Variants in PLXNA2 observed in about 807,000 individuals in gnomAD.
The protein encoded by PLXNA2 is plexin-A2.
Under a neutral mutation model 193.5 loss-of-function variants are expected in PLXNA2, and 91 were observed. That is an observed-to-expected ratio of 0.47 (90% CI 0.40 to 0.56). The LOEUF is 0.56. Among genes scored for constraint, PLXNA2 ranks in the 20% least tolerant of loss-of-function variants. PLXNA2 has a pLI of 0.00. For missense variants in PLXNA2, 1,995 were observed against 2,503.2 expected, an observed-to-expected ratio of 0.80 and a Z score of 4.33; for synonymous variants, 997 against 1,027.3, an observed-to-expected ratio of 0.97 and a Z score of 0.56.
At chr1:208,030,160 G>A in intron 29 of PLXNA2, 1 of 985,548 alleles carries the variant, frequency 1.0e-6, no homozygotes, top group Non-Finnish European at 1.2e-6. Flanking sequence ...TCTAGCCTGG[G>A]AGAAGCTGCT....
chr1:208,201,152 C>G (rs1420217685), intron 3 of PLXNA2, among the ~76,000 whole-genome samples: 1 of 152,250 alleles, frequency 6.6e-6, no homozygotes, highest in Non-Finnish European at 1.5e-5. Context: ...GCATAGCAAT[C>G]TTGCCAGGCA....
rs1389816364 is a variant in PLXNA2 at position 208,240,085 on chromosome 1, A to T, written c.-81+3558T>A. 2.6e-5 allele frequency among the ~76,000 whole-genome samples: 4 copies of T among 152,332 alleles called. No individual in the cohort carries two copies. In the East Asian group the frequency reaches 7.7e-4, roughly 29 times the overall value. ...GAAGCAGAGAACTTTTGCACTGCTC[A>T]GGCCTCAGCCATTTCTTTCAGCTCT... is the stretch of plus-strand genomic sequence containing the variant. On this transcript the variant is annotated intron_variant, in intron 1 of 31. Transcript: ENST00000367033.
chr1:208,029,878 C>T (rs1664447615), intron 29 of PLXNA2: 1 of 985,644 alleles, frequency 1.0e-6, no homozygotes. Flanking sequence ...TTTGCCTTCT[C>T]TTCCAGCTGC....
At position 208,040,044 on chromosome 1, in the gene PLXNA2, G is replaced by C; in HGVS notation, c.4301C>G (p.Ala1434Gly). ...GAACCAATTGGTCAGCATCTTTTCAGCCACAGACTCTGTCCTGGGGAAGGG... is the reference window on the plus strand; with the variant it reads ...GAACCAATTGGTCAGCATCTTTTCACCCACAGACTCTGTCCTGGGGAAGGG... ...KLLLRRTESV[A>G]EKMLTNWFAF... is the part of the protein sequence containing the mutation. The change falls in exon 23 of 32, where the codon GCT (alanine) becomes GGT (glycine). Residue 1434 changes from alanine to glycine, a missense_variant. Physicochemically the swap from Ala to Gly is moderately conservative, Grantham distance 60. This residue lies in a region of PLXNA2 where 1,291 missense variants were observed against 1,673.6 expected (regional missense o/e 0.77). Coordinates refer to ENST00000367033, the MANE Select transcript of PLXNA2 (RefSeq NM_025179.4). 1 of 1,614,012 alleles carries C rather than the reference G, an allele frequency of 6.2e-7. No individual in the cohort carries two copies. Among genetic ancestry groups the C allele is most frequent in the Non-Finnish European group, 8.5e-7 (1 of 1,179,938 alleles).
intron 4 of PLXNA2, among the ~76,000 whole-genome samples, chr1:208,110,571 A>T (rs1290328434): frequency 6.6e-6 from 1 of 152,260 alleles, no homozygotes; most frequent in African/African-American, 2.4e-5. Context: ...CATGCCAGGC[A>T]CGTCACATAG....
In PLXNA2 at chr1:208,051,404, C is replaced by T. The variant is rs949851527; in HGVS notation, c.3013G>A (p.Val1005Met). 11 of 1,610,732 alleles carry T rather than the reference C, an allele frequency of 6.8e-6. No individual in the cohort carries two copies. Among genetic ancestry groups the T allele is most frequent in the East Asian group, 6.7e-5 (3 of 44,780 alleles). ...EFYGRSMSEI[V>M]CVSPPSSNGL... The stretch of plus-strand genomic sequence containing the variant: ...TTGGATGATGGGGGTGAGACACACA[C>T]GATCTCACTCATTGACCTCCTGACA... The change falls in exon 16 of 32, where the codon GTG becomes ATG. Residue 1005 changes from valine (V) to methionine (M), a missense_variant. Val to Met is a conservative substitution (Grantham distance 21). This residue lies in a region of PLXNA2 where 1,291 missense variants were observed against 1,673.6 expected (regional missense o/e 0.77). Transcript: ENST00000367033.
At chr1:208,115,637 T>C (rs1419104105) in intron 4 of PLXNA2, among the ~76,000 whole-genome samples, 1 of 152,216 alleles carries the variant, frequency 6.6e-6, no homozygotes, top group African/African-American at 2.4e-5. Flanking sequence ...TTAATAAATA[T>C]GTATTAAACA....
At position 208,166,077 on chromosome 1, in the gene PLXNA2, C is replaced by T. The variant is rs1223924471; in HGVS notation, c.1372-23614G>A. Among the ~76,000 whole-genome samples the T allele has an allele frequency of 2.0e-5, 3 of 152,158 alleles. No individual in the cohort carries two copies. The East Asian group carries it at 5.8e-4, about 29-fold the overall frequency. On this transcript the variant is annotated intron_variant, in intron 3 of 31. Coordinates refer to ENST00000367033, the MANE Select transcript of PLXNA2 (RefSeq NM_025179.4). ...AAGGGAACCCCTCCTTCCCCACCAC[C>T]CCACCTTTACAAAGAAATCATAAGG... is the stretch of plus-strand genomic sequence containing the variant.
At chr1:208,202,512 C>T (rs1670582821) in intron 3 of PLXNA2, among the ~76,000 whole-genome samples, 2 of 152,150 alleles carry the variant, frequency 1.3e-5, no homozygotes, top group Non-Finnish European at 2.9e-5. Context: ...AGCCCCTATA[C>T]TCTTTGTTAT....
rs1664516241 is a variant in PLXNA2, at chr1:208,031,896, G to A, written c.5056-137C>T. ...GAGGCTGTGCAGGCAGTGTTGCGGG[G>A]TGGGGAAGGGTACTATTGGTTAGCT... On this transcript the variant is annotated intron_variant, in intron 28 of 31. Coordinates refer to ENST00000367033, the MANE Select transcript of PLXNA2 (RefSeq NM_025179.4). 3 of 1,274,054 alleles carry A rather than the reference G, an allele frequency of 2.4e-6. No homozygotes were observed. In the African/African-American group the frequency reaches 4.6e-5, roughly 19 times the overall value. 78.9% of individuals were successfully genotyped at this position (1,274,054 alleles called of 1,614,324 possible).
intron 28 of PLXNA2, among the ~76,000 whole-genome samples, chr1:208,032,392 A>G (rs1378345509): frequency 6.6e-6 from 1 of 152,032 alleles, no homozygotes; most frequent in Non-Finnish European, 1.5e-5. Context: ...GTCAGCAGAA[A>G]CCTCTAGCTT....
intron 4 of PLXNA2, 65 bp downstream of exon 4, chr1:208,142,264 C>A: frequency 1.3e-6 from 2 of 1,514,116 alleles, no homozygotes; most frequent in African/African-American, 2.8e-5. Flanking sequence ...AGTTTCTGAA[C>A]AAAGGTGACA....
At chr1:208,102,529 G>A (rs1667129340) in intron 5 of PLXNA2, among the ~76,000 whole-genome samples, 1 of 152,234 alleles carries the variant, frequency 6.6e-6, no homozygotes, top group African/African-American at 2.4e-5. Context: ...ATAAAATAAT[G>A]AGACCAGAAG....
At chr1:208,136,885 C>G (rs1276795928) in intron 4 of PLXNA2, among the ~76,000 whole-genome samples, 1 of 152,156 alleles carries the variant, frequency 6.6e-6, no homozygotes, top group East Asian at 1.9e-4. Context: ...TAATTACCAC[C>G]ACCTTTTGAA....
At position 208,034,538 on chromosome 1, in the gene PLXNA2, T is replaced by G; in HGVS notation, c.4819A>C (p.Ile1607Leu). The G allele has an allele frequency of 6.2e-7, 1 of 1,614,012 alleles. No homozygotes were observed. Among genetic ancestry groups the G allele is most frequent in the African/African-American group, 1.3e-5 (1 of 75,022 alleles). ...CGGGAGATGCTGGCAGAGGCAGGGA[T>G]GTTGTAGGAGGAGGTCTGTTTGGGG... ...LVPKQTSSYN[I>L]PASASISRTS... Residue 1607 changes from isoleucine to leucine, a missense_variant, in exon 27 of 32, where the codon ATC becomes CTC. Ile to Leu is a conservative substitution (Grantham distance 5, BLOSUM62 2). This residue lies in a region of PLXNA2 where 1,291 missense variants were observed against 1,673.6 expected (regional missense o/e 0.77). Coordinates refer to ENST00000367033, the MANE Select transcript of PLXNA2 (RefSeq NM_025179.4).
rs981150260 is a variant in PLXNA2, at chr1:208,025,837, C to T, written c.*1406G>A. On this transcript the variant is annotated 3_prime_UTR_variant, in exon 32 of 32. Coordinates refer to ENST00000367033, the MANE Select transcript of PLXNA2 (RefSeq NM_025179.4). ...AAGGAAAGTCCAGTGAGAAGTCATC[C>T]ACTTGTCCTTCACACTCACAAGTCC... The T allele has an allele frequency of 1.3e-5, 2 of 152,400 alleles. No individual in the cohort carries two copies. Among genetic ancestry groups the T allele is most frequent in the Non-Finnish European group, 2.9e-5 (2 of 68,048 alleles). The allele number at this position is 152,400 out of a possible 1,614,324, so 9.4% of individuals were successfully genotyped here.
rs1664287120 is a variant in PLXNA2 at position 208,024,700 on chromosome 1, T to C, written c.*2543A>G. ...GTGAATCGTCTCCAAAAGTAACTGC[T>C]GGGAGATGCCAGGTAGATGCATTGA... On this transcript the variant is annotated 3_prime_UTR_variant, in exon 32 of 32. Transcript: ENST00000367033. The C allele has an allele frequency of 6.6e-6, 1 of 152,272 alleles. No homozygotes were observed. Among genetic ancestry groups the C allele is most frequent in the African/African-American group, 2.4e-5 (1 of 41,444 alleles). 9.4% of individuals were successfully genotyped at this position (152,272 alleles called of 1,614,324 possible).
rs556181025 is a variant in PLXNA2, at chr1:208,088,420, C to T, written c.2098-3840G>A. 5.3e-5 allele frequency among the ~76,000 whole-genome samples: 8 copies of T among 152,344 alleles called. No homozygotes were observed. In the South Asian group the frequency reaches 6.2e-4, roughly 12 times the overall value. On this transcript the variant is annotated intron_variant, in intron 9 of 31. Coordinates refer to ENST00000367033, the MANE Select transcript of PLXNA2 (RefSeq NM_025179.4). Reference sequence around the variant, plus strand: ...GCAGCCAGCATCCTGGGAAGCTAATCGGATTTATTTGGTTCTATCTTTCCC... The same window carrying T: ...GCAGCCAGCATCCTGGGAAGCTAATTGGATTTATTTGGTTCTATCTTTCCC...
intron 4 of PLXNA2, among the ~76,000 whole-genome samples, chr1:208,130,337 G>A (rs148763930): frequency 6.6e-6 from 1 of 152,268 alleles, no homozygotes; most frequent in African/African-American, 2.4e-5. Flanking sequence ...TCCCCCAGTG[G>A]GTACATGCAA....
Sources: allele counts gnomAD v4.1 joint callset (sites outside exome capture counted in the v4.1 genomes callset), GRCh38; gene constraint gnomAD v4.1.1; regional missense constraint gnomAD v4.1.1; transcripts MANE v1.5; gene names NCBI Gene and HGNC (gene_info 2026-07-23, HGNC 2026-07-21).